SLC35F2: variants seen among roughly 807,000 people sequenced by gnomAD.
The protein encoded by SLC35F2 is solute carrier family 35 member F2, also known as queuine/queuosine transporter SLC35F2.
A neutral mutation model predicts 38.1 loss-of-function variants in SLC35F2; 25 were observed. The ratio of observed to expected loss-of-function variants is 0.66; its 90% CI spans 0.48 to 0.92. The LOEUF is 0.92. SLC35F2 is among the 40% of genes least tolerant of loss of function. The pLI is 0.00. For missense variants in SLC35F2, 409 were observed against 452.9 expected (o/e 0.90, Z 0.88); for synonymous variants, 173 against 181.7 (o/e 0.95, Z 0.38).
At chr11:107,843,884 T>C (rs3099828) in intron 1 of SLC35F2, among the ~76,000 whole-genome samples, 1 of 58,670 alleles carries the variant, frequency 1.7e-5, no homozygotes, top group Non-Finnish European at 3.8e-5. Flanking sequence ...TATATATATA[T>C]ATATATATAT....
At chr11:107,826,134 A>G (rs2134814493) in intron 1 of SLC35F2, among the ~76,000 whole-genome samples, 1 of 152,312 alleles carries the variant, frequency 6.6e-6, no homozygotes, top group African/African-American at 2.4e-5. Flanking sequence ...CAGCTATAAA[A>G]AGCAAGGCAC....
intron 2 of SLC35F2, among the ~76,000 whole-genome samples, chr11:107,814,635 C>T (rs1222444722): frequency 1.3e-5 from 2 of 152,016 alleles, no homozygotes; most frequent in African/African-American, 2.4e-5. Context: ...ATACCAAGAG[C>T]GACCCCTAAG....
At chr11:107,836,522 A>G (rs973547382) in intron 1 of SLC35F2, among the ~76,000 whole-genome samples, 1 of 152,224 alleles carries the variant, frequency 6.6e-6, no homozygotes, top group African/African-American at 2.4e-5. Flanking sequence ...TAATCACATG[A>G]GACTTTAAAA....
At chr11:107,825,582 G>C (rs1859742664) in intron 1 of SLC35F2, among the ~76,000 whole-genome samples, 1 of 151,910 alleles carries the variant, frequency 6.6e-6, no homozygotes, top group African/African-American at 2.4e-5. Flanking sequence ...TGTTGGTCAG[G>C]CTGGTCTCAA....
In SLC35F2 at chr11:107,806,793, G is replaced by A. The variant is rs372999649; in HGVS notation, c.498C>T (p.Ile166=). 680 of 1,613,936 alleles carry A rather than the reference G, an allele frequency of 4.2e-4. 2 individuals carry two copies. The highest frequency in any genetic ancestry group is 2.0e-3 in the Admixed American group (122 of 60,018). The part of the protein sequence containing the change: ...LHARYRVIHF[I]AVAVCLLGVG... Reference sequence around the variant, plus strand: ...CACCCAACAGACAGACAGCCACGGCGATGAAGTGGATCACTCTGTATCTTG... The same window carrying A: ...CACCCAACAGACAGACAGCCACGGCAATGAAGTGGATCACTCTGTATCTTG... The change falls in exon 4 of 8, where the codon ATC becomes ATT. Residue 166 remains isoleucine, a synonymous_variant. Transcript: ENST00000525815.
chr11:107,855,816 G>GAA (rs10691375), intron 1 of SLC35F2, among the ~76,000 whole-genome samples: 133 of 148,664 alleles, frequency 8.9e-4, no homozygotes, highest in Admixed American at 1.2e-3. Context: ...CATTAGGAGA[G>GAA]AAAAAAAAAA....
chr11:107,826,450 G>A (rs897183561), intron 1 of SLC35F2, among the ~76,000 whole-genome samples: 1 of 152,060 alleles, frequency 6.6e-6, no homozygotes, highest in African/African-American at 2.4e-5. Flanking sequence ...CTCCATGTTG[G>A]TCAGGCTGGT....
At chr11:107,856,332 C>A (rs1399950466) in intron 1 of SLC35F2, among the ~76,000 whole-genome samples, 1 of 152,134 alleles carries the variant, frequency 6.6e-6, no homozygotes, top group East Asian at 1.9e-4. Context: ...TCTGCCCTTT[C>A]CTGCATAGTA....
intron 7 of SLC35F2, among the ~76,000 whole-genome samples, chr11:107,801,086 G>C (rs917111892): frequency 1.8e-4 from 28 of 152,126 alleles, no homozygotes; most frequent in African/African-American, 6.3e-4. Flanking sequence ...TGTATTTTTA[G>C]TGGAGAGGGG....
chr11:107,858,233 T>G (rs1860327541), intron 1 of SLC35F2, among the ~76,000 whole-genome samples: 1 of 152,154 alleles, frequency 6.6e-6, no homozygotes, highest in Non-Finnish European at 1.5e-5. Context: ...CCGCGCCCAG[T>G]CTGGCTGGCT....
chr11:107,802,699 G>A (rs996158531), intron 7 of SLC35F2, among the ~76,000 whole-genome samples: 1 of 152,190 alleles, frequency 6.6e-6, no homozygotes, highest in Non-Finnish European at 1.5e-5. Flanking sequence ...AAGGTCAACA[G>A]CAGCTCTGGG....
At chr11:107,831,578 T>TTGG (rs150553684) in intron 1 of SLC35F2, among the ~76,000 whole-genome samples, 1 of 152,096 alleles carries the variant, frequency 6.6e-6, no homozygotes, top group African/African-American at 2.4e-5. Context: ...CTTCGTGAAG[T>TTGG]GGGGGGACAT....
chr11:107,857,221 AGGAGGGAGGGAG>A (rs201609405), intron 1 of SLC35F2, among the ~76,000 whole-genome samples: 1 of 79,788 alleles, frequency 1.3e-5, no homozygotes, highest in African/African-American at 4.9e-5. Context: ...GGAACAAAGA[AGGAGGGAGGGAG>A]GGAGGGAGGG....
chr11:107,792,635 T>C lies in SLC35F2; in HGVS notation c.1105A>G (p.Thr369Ala). Residue 369 changes from threonine (T) to alanine (A), a missense_variant, in exon 8 of 8, where the codon ACC (threonine) becomes GCC (alanine). Thr to Ala is a moderately conservative substitution (Grantham distance 58). Coordinates refer to ENST00000525815, the MANE Select transcript of SLC35F2 (RefSeq NM_017515.5). ...TCCAGCTACAAGACAGCAGAGTGGG[T>C]CTCCTGGAGGTTCTCCTCCAGCTTC... The part of the protein sequence containing the change: ...GLKLEENLQE[T>A]HSAVL 1 of 1,611,964 alleles carries C rather than the reference T, an allele frequency of 6.2e-7. No homozygotes were observed. Among genetic ancestry groups the C allele is most frequent in the South Asian group, 1.1e-5 (1 of 90,616 alleles).
chr11:107,803,542 C>T (rs1226638934), intron 6 of SLC35F2: 6 of 980,440 alleles, frequency 6.1e-6, no homozygotes, highest in Non-Finnish European at 7.3e-6. Flanking sequence ...ATTATGTTTT[C>T]TTTGCTTTTG....
At chr11:107,802,336 TC>T (rs1432845236) in intron 7 of SLC35F2, among the ~76,000 whole-genome samples, 1 of 152,188 alleles carries the variant, frequency 6.6e-6, no homozygotes, top group Non-Finnish European at 1.5e-5. Context: ...TGTTATTTTT[TC>T]AAACTCCATA....
chr11:107,795,342 A>G (rs1423965151), intron 7 of SLC35F2, among the ~76,000 whole-genome samples: 4 of 152,224 alleles, frequency 2.6e-5, no homozygotes, highest in African/African-American at 9.6e-5. Flanking sequence ...AGACTTAAAT[A>G]TAAGACCCAA....
chr11:107,807,944 T>C (rs1461235116), intron 3 of SLC35F2, among the ~76,000 whole-genome samples: 1 of 152,146 alleles, frequency 6.6e-6, no homozygotes. Context: ...AGTCAACAAA[T>C]ATTTGTTAAA....
rs554201280 is a variant in SLC35F2, at chr11:107,806,790, G to A, written c.501C>T (p.Ala167=). The A allele has an allele frequency of 2.7e-5, 44 of 1,613,952 alleles. No individual in the cohort carries two copies. The highest frequency in any genetic ancestry group is 1.2e-4 in the Admixed American group (7 of 60,014). The change falls in exon 4 of 8, where the codon GCC becomes GCT. Residue 167 remains alanine (A), a synonymous_variant. Transcript: ENST00000525815. ...CTACACCCAACAGACAGACAGCCACGGCGATGAAGTGGATCACTCTGTATC... is the reference window on the plus strand; with the variant it reads ...CTACACCCAACAGACAGACAGCCACAGCGATGAAGTGGATCACTCTGTATC... ...HARYRVIHFI[A]VAVCLLGVGT...
Sources: gnomAD v4.1 joint callset for allele counts (sites outside exome capture counted in the v4.1 genomes callset) on GRCh38, gnomAD v4.1.1 for gene constraint, MANE v1.5 for transcripts, NCBI Gene and HGNC (gene_info 2026-07-23, HGNC 2026-07-21) for gene names.